The following TCEANC2 variants were observed in gnomAD, a reference collection of about 807,000 sequenced individuals.
TCEANC2 encodes the protein transcription elongation factor A N-terminal and central domain-containing protein 2.
TCEANC2 carries 20 observed loss-of-function variants against 22.8 expected under a neutral mutation model. That is an observed-to-expected ratio of 0.88 (90% confidence interval 0.62 to 1.28). The LOEUF (loss-of-function observed/expected upper bound fraction) is 1.28. TCEANC2 is among the 50% of genes most tolerant of loss of function. The pLI is 0.00. For missense variants in TCEANC2, 251 were observed against 249.7 expected (o/e 1.01, Z -0.03); for synonymous variants, 84 against 95.5 (o/e 0.88, Z 0.70).
chr1:54,106,114 T>A (rs1570036313), downstream of TCEANC2: 2 of 152,212 alleles, frequency 1.3e-5, no homozygotes, highest in Admixed American at 6.5e-5. Context: ...TTCATGGGCC[T>A]TAGCATGCCA....
At chr1:54,069,156 C>T (rs1396490043) in intron 3 of TCEANC2, among the ~76,000 whole-genome samples, 2 of 152,184 alleles carry the variant, frequency 1.3e-5, no homozygotes, top group Admixed American at 6.5e-5. Context: ...TATAGGATTA[C>T]TCTTGTCAAA....
intron 3 of TCEANC2, among the ~76,000 whole-genome samples, chr1:54,073,320 A>G (rs1004272739): frequency 2.6e-5 from 4 of 152,126 alleles, no homozygotes; most frequent in Non-Finnish European, 5.9e-5. Flanking sequence ...CTTCCCTCCA[A>G]AGGGGATTAA....
rs1658683307 is a variant in TCEANC2 at position 54,102,742 on chromosome 1, G to T, written c.*6269G>T. The T allele has an allele frequency of 6.6e-6, 1 of 152,270 alleles. No homozygotes were observed. Among genetic ancestry groups the T allele is most frequent in the East Asian group, 1.9e-4 (1 of 5,206 alleles). 9.4% of individuals were successfully genotyped at this position (152,270 alleles called of 1,614,324 possible). On this transcript the variant is annotated 3_prime_UTR_variant, in exon 5 of 5. Transcript: ENST00000234827. ...ATCCAGCTGATAGAAGAGAAAAAAA[G>T]CCATGCCTTATCCTTAGATAGGTCA...
chr1:54,073,523 C>T (rs1450646777), intron 3 of TCEANC2, among the ~76,000 whole-genome samples: 2 of 152,158 alleles, frequency 1.3e-5, no homozygotes, highest in African/African-American at 4.8e-5. Flanking sequence ...GTGCACCCTT[C>T]TAGCCTCTGC....
Position 54,104,122 on chromosome 1 carries a change from T to G in TCEANC2, c.*7649T>G, listed in dbSNP as rs1463271966. 6.6e-6 allele frequency: 1 copy of G among 152,354 alleles called. No individual in the cohort carries two copies. The highest frequency in any genetic ancestry group is 2.4e-5 in the African/African-American group (1 of 41,426). 9.4% of individuals were successfully genotyped at this position (152,354 alleles called of 1,614,324 possible). On this transcript the variant is annotated 3_prime_UTR_variant, in exon 5 of 5. Transcript: ENST00000234827. Reference sequence around the variant, plus strand: ...TCCAGGGTGCAGCACATGTTCGAAATCAAAGACCGTTACGTGATGCTTTGT... The same window carrying G: ...TCCAGGGTGCAGCACATGTTCGAAAGCAAAGACCGTTACGTGATGCTTTGT...
chr1:54,092,346 A>C (rs1658461345), intron 4 of TCEANC2, among the ~76,000 whole-genome samples: 1 of 152,240 alleles, frequency 6.6e-6, no homozygotes, highest in Non-Finnish European at 1.5e-5. Context: ...CAACACATAA[A>C]GTGCAGAGCA....
chr1:54,101,645 T>G lies in TCEANC2; in HGVS notation c.*5172T>G, dbSNP rs944990624. 1 of 152,180 alleles carries G rather than the reference T, an allele frequency of 6.6e-6. No homozygotes were observed. Among genetic ancestry groups the G allele is most frequent in the African/African-American group, 2.4e-5 (1 of 41,442 alleles). 9.4% of individuals were successfully genotyped at this position (152,180 alleles called of 1,614,324 possible). A position where few individuals can be genotyped will look rare whatever the true frequency, so the allele number is the denominator to read the frequency against. ...ATAAACAGACAATTTTTACTATTTA[T>G]TTTTATTTTGGGAGGGGGTCAGGGT... On this transcript the variant is annotated 3_prime_UTR_variant, in exon 5 of 5. Coordinates refer to ENST00000234827, the MANE Select transcript of TCEANC2 (RefSeq NM_153035.3).
chr1:54,080,729 T>G (rs1393585666), intron 3 of TCEANC2, among the ~76,000 whole-genome samples: 1 of 152,222 alleles, frequency 6.6e-6, no homozygotes, highest in African/African-American at 2.4e-5. Flanking sequence ...GTTTGGTAAA[T>G]GAGCAAAAGA....
chr1:54,065,224 G>T (rs1017636707), intron 2 of TCEANC2, among the ~76,000 whole-genome samples: 4 of 152,076 alleles, frequency 2.6e-5, no homozygotes, highest in Non-Finnish European at 4.4e-5. Context: ...TTAAACATAG[G>T]CAAGCCATAG....
chr1:54,068,843 C>T lies in TCEANC2; in HGVS notation c.190C>T (p.Gln64Ter), dbSNP rs1233959620. The T allele has an allele frequency of 6.2e-7, 1 of 1,611,032 alleles. No individual in the cohort carries two copies. Among genetic ancestry groups the T allele is most frequent in the Non-Finnish European group, 8.5e-7 (1 of 1,178,912 alleles). Residue 64 changes from glutamine (Q) to a stop codon, truncating the protein, a stop_gained, in exon 3 of 5, where the codon CAA becomes TAA. Transcript: ENST00000234827. LOFTEE classifies it high-confidence loss of function. ...CAAAGAGAATCTTGTTGAAGCCTTA[C>T]AAGAATTAAAGAAGAAAATACCCTC... ...QTKENLVEAL[Q>*]ELKKKIPSRE...
chr1:54,088,838 T>G, intron 4 of TCEANC2, 48 bp downstream of exon 4: 2 of 1,369,836 alleles, frequency 1.5e-6, no homozygotes, highest in Non-Finnish European at 1.9e-6. Context: ...AATAATTAAT[T>G]TTTAAAAGAA....
At chr1:54,073,861 A>C (rs1331398754) in intron 3 of TCEANC2, among the ~76,000 whole-genome samples, 1 of 152,208 alleles carries the variant, frequency 6.6e-6, no homozygotes, top group Non-Finnish European at 1.5e-5. Flanking sequence ...GAATCAAGAG[A>C]CATACATGTA....
chr1:54,097,014 G>A lies in TCEANC2; in HGVS notation c.*541G>A, dbSNP rs1052009053. 1.0e-6 allele frequency: 1 copy of A among 984,198 alleles called. No homozygotes were observed. Among genetic ancestry groups the A allele is most frequent in the Non-Finnish European group, 1.2e-6 (1 of 828,482 alleles). The allele number at this position is 984,198 out of a possible 1,614,324, so 61.0% of individuals were successfully genotyped here. A position where few individuals can be genotyped will look rare whatever the true frequency, so the allele number is the denominator to read the frequency against. On this transcript the variant is annotated 3_prime_UTR_variant, in exon 5 of 5. Transcript: ENST00000234827. ...CTTCCCAGAGCTCACTTATCTGAAC[G>A]TTTCAGCTCTCCCTGGAAGACCTTC...
At position 54,071,978 on chromosome 1, in the gene TCEANC2, ATGTT is replaced by A. The variant is rs370560771; in HGVS notation, c.244+3085_244+3088del. Among the ~76,000 whole-genome samples, 316 of 151,910 alleles carry A rather than the reference ATGTT, an allele frequency of 2.1e-3. 1 individual carries two copies. The highest frequency in any genetic ancestry group is 6.7e-3 in the African/African-American group (278 of 41,408). ...GGGTATGCACCAACACATCCAGCTA[ATGTT>A]TGTATTTTTTGTAGAGATAGGGTCT... On this transcript the variant is annotated intron_variant, in intron 3 of 4. Coordinates refer to ENST00000234827, the MANE Select transcript of TCEANC2 (RefSeq NM_153035.3).
downstream of TCEANC2, among the ~76,000 whole-genome samples, chr1:54,107,963 T>A (rs940953605): frequency 6.6e-6 from 1 of 152,252 alleles, no homozygotes; most frequent in African/African-American, 2.4e-5. Flanking sequence ...TGTTTGTAAG[T>A]GTCCACATAT....
rs1658609949 is a variant in TCEANC2, at chr1:54,099,145, G to A, written c.*2672G>A. 1 of 152,280 alleles carries A rather than the reference G, an allele frequency of 6.6e-6. No individual in the cohort carries two copies. Among genetic ancestry groups the A allele is most frequent in the Non-Finnish European group, 1.5e-5 (1 of 68,064 alleles). The allele number at this position is 152,280 out of a possible 1,614,324, so 9.4% of individuals were successfully genotyped here. On this transcript the variant is annotated 3_prime_UTR_variant, in exon 5 of 5. Coordinates refer to ENST00000234827, the MANE Select transcript of TCEANC2 (RefSeq NM_153035.3). Reference sequence around the variant, plus strand: ...GGAGACAGGAAGTAGCAAGCTTCATGTTTAAAGAACCAAAGAGTTCTGCTA... The same window carrying A: ...GGAGACAGGAAGTAGCAAGCTTCATATTTAAAGAACCAAAGAGTTCTGCTA...
At position 54,097,259 on chromosome 1, in the gene TCEANC2, A is replaced by G. The variant is rs1245918217; in HGVS notation, c.*786A>G. 1 of 152,352 alleles carries G rather than the reference A, an allele frequency of 6.6e-6. No individual in the cohort carries two copies. Among genetic ancestry groups the G allele is most frequent in the African/African-American group, 2.4e-5 (1 of 41,406 alleles). 9.4% of individuals were successfully genotyped at this position (152,352 alleles called of 1,614,324 possible). Reference sequence around the variant, plus strand: ...ATCTCTACACAGGCCTGTTTTAACAATTACGTAAATAATACTTGTTTTTTT... The same window carrying G: ...ATCTCTACACAGGCCTGTTTTAACAGTTACGTAAATAATACTTGTTTTTTT... On this transcript the variant is annotated 3_prime_UTR_variant, in exon 5 of 5. Transcript: ENST00000234827.
At chr1:54,089,887 G>A (rs746593914) in intron 4 of TCEANC2, 31 of 666,314 alleles carry the variant, frequency 4.7e-5, no homozygotes, top group Admixed American at 1.0e-4. Context: ...GCACCAAGTC[G>A]TCTCCAAGTT....
intron 2 of TCEANC2, among the ~76,000 whole-genome samples, chr1:54,057,008 C>T (rs2100351665): frequency 6.6e-6 from 1 of 151,068 alleles, no homozygotes; most frequent in East Asian, 2.0e-4. Context: ...TACCACTGCA[C>T]TGCAACCTGG....
Sources: allele counts gnomAD v4.1 joint callset (sites outside exome capture counted in the v4.1 genomes callset), GRCh38; gene constraint gnomAD v4.1.1; transcripts MANE v1.5; gene names NCBI Gene and HGNC (gene_info 2026-07-23, HGNC 2026-07-21).